Variants in ZNF385B observed in about 807,000 individuals in gnomAD.
ZNF385B encodes zinc finger protein 533.
ZNF385B carries 23 observed loss-of-function variants against 39.2 expected under a neutral mutation model. That is an observed-to-expected ratio of 0.59 (90% CI 0.42 to 0.83). The LOEUF (loss-of-function observed/expected upper bound fraction) is 0.83, where lower values mean the gene tolerates loss of function less well. ZNF385B is among the 40% of genes least tolerant of loss of function. ZNF385B has a pLI of 0.00. For synonymous variants in ZNF385B, 205 were observed against 222.6 expected, an observed-to-expected ratio of 0.92 and a Z score of 0.70; for missense variants, 552 against 598.9, an observed-to-expected ratio of 0.92 and a Z score of 0.82.
intron 1 of ZNF385B, among the ~76,000 whole-genome samples, chr2:179,840,399 C>A (rs1349449626): frequency 6.6e-6 from 1 of 152,168 alleles, no homozygotes; most frequent in East Asian, 1.9e-4. Flanking sequence ...ATTGAACCAT[C>A]AAAGTTCAAT....
At chr2:179,709,842 C>A (rs1286186749) in intron 3 of ZNF385B, among the ~76,000 whole-genome samples, 2 of 152,168 alleles carry the variant, frequency 1.3e-5, no homozygotes, top group African/African-American at 4.8e-5. Context: ...TATGCCTTGA[C>A]TTGTGTGTAC....
chr2:179,529,432 A>C (rs1247619712), intron 4 of ZNF385B, among the ~76,000 whole-genome samples: 2 of 152,162 alleles, frequency 1.3e-5, no homozygotes, highest in African/African-American at 2.4e-5. Flanking sequence ...TTTTATCTTC[A>C]AGATTTGATG....
chr2:179,749,081 C>A (rs913498667), intron 3 of ZNF385B, among the ~76,000 whole-genome samples: 2 of 151,792 alleles, frequency 1.3e-5, no homozygotes, highest in Non-Finnish European at 2.9e-5. Context: ...TTTTTTTTAG[C>A]AACCAAAATG....
intron 3 of ZNF385B, among the ~76,000 whole-genome samples, chr2:179,557,513 CAT>C (rs1419721112): frequency 2.0e-5 from 3 of 146,464 alleles, no homozygotes; most frequent in Non-Finnish European, 3.0e-5. Context: ...AACATATATA[CAT>C]GTTATATGTG....
chr2:179,809,118 G>A (rs1248227564), intron 1 of ZNF385B, among the ~76,000 whole-genome samples: 3 of 151,944 alleles, frequency 2.0e-5, no homozygotes. Flanking sequence ...AAAGCTCAAG[G>A]GCAAAGAAAA....
intron 1 of ZNF385B, among the ~76,000 whole-genome samples, chr2:179,781,094 C>A (rs1055384821): frequency 2.0e-5 from 3 of 152,164 alleles, no homozygotes; most frequent in African/African-American, 7.2e-5. Flanking sequence ...AGATTCAATG[C>A]AATCTTAACC....
intron 3 of ZNF385B, among the ~76,000 whole-genome samples, chr2:179,641,708 T>A (rs998575687): frequency 8.0e-6 from 1 of 125,488 alleles, no homozygotes; most frequent in East Asian, 2.3e-4. Flanking sequence ...AAAAAAAAAA[T>A]CAATTTACAG....
chr2:179,791,577 C>T (rs1273921264), intron 1 of ZNF385B, among the ~76,000 whole-genome samples: 1 of 152,110 alleles, frequency 6.6e-6, no homozygotes, highest in African/African-American at 2.4e-5. Context: ...AGGTGAGGCG[C>T]TTGTCTTAAG....
chr2:179,856,975 T>C (rs188280058), intron 1 of ZNF385B, among the ~76,000 whole-genome samples: 1 of 152,330 alleles, frequency 6.6e-6, no homozygotes, highest in East Asian at 1.9e-4. Context: ...TACTGCACCT[T>C]GCTTCTCAAA....
intron 3 of ZNF385B, among the ~76,000 whole-genome samples, chr2:179,634,752 A>G (rs1004221815): frequency 7.9e-5 from 12 of 152,186 alleles, no homozygotes; most frequent in Non-Finnish European, 1.6e-4. Context: ...ACACATGCAC[A>G]CGTATGTTTA....
At chr2:179,750,946 A>C (rs1702632184) in intron 3 of ZNF385B, among the ~76,000 whole-genome samples, 1 of 152,130 alleles carries the variant, frequency 6.6e-6, no homozygotes. Flanking sequence ...ATGTGTTTCT[A>C]CTGAAAAGGT....
intron 3 of ZNF385B, among the ~76,000 whole-genome samples, chr2:179,714,249 A>T (rs1411316074): frequency 1.3e-5 from 2 of 152,246 alleles, no homozygotes; most frequent in Non-Finnish European, 2.9e-5. Context: ...TATTGAGTAC[A>T]TGTGCCAACG....
intron 1 of ZNF385B, among the ~76,000 whole-genome samples, chr2:179,806,491 G>A (rs1056226636): frequency 1.1e-4 from 16 of 152,058 alleles, no homozygotes; most frequent in South Asian, 2.1e-4. Flanking sequence ...TTTCCATCCC[G>A]GTCTTTGCAG....
At chr2:179,632,210 AT>A (rs1691291503) in intron 3 of ZNF385B, among the ~76,000 whole-genome samples, 1 of 152,210 alleles carries the variant, frequency 6.6e-6, no homozygotes, top group South Asian at 2.1e-4. Flanking sequence ...CCTAATAGAC[AT>A]CTACAGAACT....
chr2:179,556,878 T>C (rs993917712), intron 3 of ZNF385B, among the ~76,000 whole-genome samples: 1 of 149,094 alleles, frequency 6.7e-6, no homozygotes, highest in Non-Finnish European at 1.5e-5. Context: ...TCTGAGTCTA[T>C]AAAATCCAAC....
intron 3 of ZNF385B, among the ~76,000 whole-genome samples, chr2:179,717,266 C>A (rs545102737): frequency 3.9e-5 from 6 of 152,258 alleles, no homozygotes; most frequent in Middle Eastern, 3.4e-3. Context: ...GTAACAAAGT[C>A]AAACAAATAT....
chr2:179,664,460 C>T (rs1324949273), intron 3 of ZNF385B, among the ~76,000 whole-genome samples: 2 of 152,054 alleles, frequency 1.3e-5, no homozygotes, highest in South Asian at 2.1e-4. Flanking sequence ...TTGCTATTAA[C>T]TAGGCTACTA....
intron 3 of ZNF385B, among the ~76,000 whole-genome samples, chr2:179,717,793 C>T (rs555006877): frequency 5.9e-5 from 9 of 152,260 alleles, no homozygotes; most frequent in Admixed American, 3.9e-4. Context: ...TTTCCTACCT[C>T]TCATTATACC....
intron 3 of ZNF385B, among the ~76,000 whole-genome samples, chr2:179,725,353 T>C (rs1266177902): frequency 6.6e-6 from 1 of 151,982 alleles, no homozygotes; most frequent in Non-Finnish European, 1.5e-5. Flanking sequence ...CTCTATGACA[T>C]ACTTTGTATA....
Sources: gnomAD v4.1 joint callset for allele counts (sites outside exome capture counted in the v4.1 genomes callset) on GRCh38, gnomAD v4.1.1 for gene constraint, MANE v1.5 for transcripts, NCBI Gene and HGNC (gene_info 2026-07-23, HGNC 2026-07-21) for gene names.